The following GDPD4 variants were observed in gnomAD, a reference collection of about 807,000 sequenced individuals.
GDPD4 encodes the protein glycerophosphodiester phosphodiesterase domain containing 4.
Under a neutral mutation model 67.8 loss-of-function variants are expected in GDPD4, and 60 were observed. The observed-to-expected ratio is 0.88, with a 90% CI of 0.72 to 1.10. GDPD4 has a LOEUF of 1.10. GDPD4 is among the 50% of genes least tolerant of loss of function. The pLI, the probability that GDPD4 is intolerant of heterozygous loss-of-function variation, is 0.00. For missense variants in GDPD4, 623 were observed against 613.9 expected, an observed-to-expected ratio of 1.01 and a Z score of -0.16; for synonymous variants, 212 against 210.9, an observed-to-expected ratio of 1.00 and a Z score of -0.04.
intron 16 of GDPD4, among the ~76,000 whole-genome samples, chr11:77,226,888 G>A (rs990407425): frequency 1.3e-5 from 2 of 152,196 alleles, no homozygotes; most frequent in South Asian, 2.1e-4. Context: ...AGTTTTTCAT[G>A]ATCCCTGTGG....
At chr11:77,276,014 T>C in intron 5 of GDPD4, 147 bp downstream of exon 5, 3 of 609,570 alleles carry the variant, frequency 4.9e-6, no homozygotes, top group East Asian at 2.7e-5. Flanking sequence ...TCAGTTAATA[T>C]GGTGTAAGTA....
chr11:77,218,792 A>T (rs1958173338), intron 16 of GDPD4, among the ~76,000 whole-genome samples: 1 of 152,004 alleles, frequency 6.6e-6, no homozygotes, highest in Non-Finnish European at 1.5e-5. Context: ...TCTATCACTG[A>T]TGGACATTTG....
At chr11:77,295,456 A>G (rs569870549) in intron 1 of GDPD4, among the ~76,000 whole-genome samples, 1 of 152,044 alleles carries the variant, frequency 6.6e-6, no homozygotes, top group African/African-American at 2.4e-5. Flanking sequence ...ACATAGTGGG[A>G]GCCCATCTCT....
intron 11 of GDPD4, among the ~76,000 whole-genome samples, chr11:77,254,691 G>A (rs1958970953): frequency 6.6e-6 from 1 of 152,158 alleles, no homozygotes; most frequent in South Asian, 2.1e-4. Context: ...TTCCACGGAA[G>A]TGTTGGTTGG....
At chr11:77,290,273 G>A (rs1330413176) in intron 1 of GDPD4, among the ~76,000 whole-genome samples, 1 of 152,166 alleles carries the variant, frequency 6.6e-6, no homozygotes, top group Admixed American at 6.5e-5. Flanking sequence ...GGACCTAACA[G>A]ATATATACAG....
intron 16 of GDPD4, among the ~76,000 whole-genome samples, chr11:77,218,384 T>C (rs777951839): frequency 3.9e-5 from 6 of 152,180 alleles, no homozygotes; most frequent in African/African-American, 7.2e-5. Context: ...TATCATAGGA[T>C]AGTTACCGCT....
In GDPD4 at chr11:77,245,228, A is replaced by G. The variant is rs560775485; in HGVS notation, c.1086+53T>C. On this transcript the variant is annotated intron_variant, in intron 12 of 16. Coordinates refer to ENST00000315938, the MANE Select transcript of GDPD4 (RefSeq NM_182833.3). ...GGTCAAGTTCAACTACTGTGCTCCT[A>G]GGACATGCTACCCACCTCCCAACCT... 1.7e-5 allele frequency: 23 copies of G among 1,371,436 alleles called. No individual in the cohort carries two copies. In the East Asian group the frequency reaches 4.8e-4, roughly 29 times the overall value. 85.0% of individuals were successfully genotyped at this position (1,371,436 alleles called of 1,614,324 possible). A position where few individuals can be genotyped will look rare whatever the true frequency, so the allele number is the denominator to read the frequency against.
rs111993216 is a variant in GDPD4, at chr11:77,233,059, A to G, written c.1355T>C (p.Leu452Pro). 1 of 1,614,126 alleles carries G rather than the reference A, an allele frequency of 6.2e-7. No homozygotes were observed. Among genetic ancestry groups the G allele is most frequent in the Non-Finnish European group, 8.5e-7 (1 of 1,179,998 alleles). ...INSVTTDNIG[L>P]LSQLDHPHFF... ...GTGAGGGTGATCAAGCTGACTCAGG[A>G]GCCCAATGTTGTCTGTGGTCACTGA... Residue 452 changes from leucine (L) to proline (P), a missense_variant, in exon 14 of 17, where the codon CTC becomes CCC. Coordinates refer to ENST00000315938, the MANE Select transcript of GDPD4 (RefSeq NM_182833.3).
At chr11:77,236,148 A>T (rs1196937205) in intron 13 of GDPD4, among the ~76,000 whole-genome samples, 1 of 151,358 alleles carries the variant, frequency 6.6e-6, no homozygotes, top group East Asian at 1.9e-4. Context: ...TGTGAACTAA[A>T]TTTTTTTTTC....
chr11:77,278,541 C>A (rs1959596860), intron 4 of GDPD4, among the ~76,000 whole-genome samples: 1 of 152,188 alleles, frequency 6.6e-6, no homozygotes, highest in Non-Finnish European at 1.5e-5. Context: ...GCACTTCTCA[C>A]AACGTTCTGC....
intron 14 of GDPD4, among the ~76,000 whole-genome samples, chr11:77,229,627 C>T (rs1226541178): frequency 1.3e-5 from 2 of 152,176 alleles, no homozygotes; most frequent in Non-Finnish European, 2.9e-5. Context: ...CCAAGTCTCC[C>T]GGGGCAGCTT....
At chr11:77,249,916 G>A (rs746876476) in intron 11 of GDPD4, among the ~76,000 whole-genome samples, 10 of 151,946 alleles carry the variant, frequency 6.6e-5, no homozygotes, top group Non-Finnish European at 1.0e-4. Flanking sequence ...ATTTCCTTAA[G>A]TTCCTCATTA....
chr11:77,235,973 A>AC (rs1360521346), intron 13 of GDPD4, among the ~76,000 whole-genome samples: 1 of 151,654 alleles, frequency 6.6e-6, no homozygotes, highest in Non-Finnish European at 1.5e-5. Context: ...AACAAAAAAA[A>AC]AACAAAAAAA....
chr11:77,261,616 T>C (rs777958963), intron 10 of GDPD4, among the ~76,000 whole-genome samples: 31 of 152,220 alleles, frequency 2.0e-4, no homozygotes, highest in Admixed American at 7.2e-4. Context: ...AAACATTACA[T>C]TTGTTTTTCT....
At chr11:77,224,305 G>C (rs1283793849) in intron 16 of GDPD4, 1 of 152,316 alleles carries the variant, frequency 6.6e-6, no homozygotes, top group East Asian at 1.9e-4. Context: ...GACCGGAGCT[G>C]TTTCTATTCA....
chr11:77,247,986 G>T (rs1313815732), intron 11 of GDPD4, among the ~76,000 whole-genome samples: 1 of 149,164 alleles, frequency 6.7e-6, no homozygotes, highest in Non-Finnish European at 1.5e-5. Flanking sequence ...GGGAGGCAGA[G>T]GTTGCGGTGA....
intron 1 of GDPD4, among the ~76,000 whole-genome samples, chr11:77,295,551 G>C (rs1937925536): frequency 6.6e-6 from 1 of 152,076 alleles, no homozygotes; most frequent in Non-Finnish European, 1.5e-5. Context: ...AGGATCACTT[G>C]AGCTGGGAGG....
At chr11:77,279,853 C>T (rs1244919056) in intron 3 of GDPD4, among the ~76,000 whole-genome samples, 4 of 151,912 alleles carry the variant, frequency 2.6e-5, no homozygotes, top group Non-Finnish European at 4.4e-5. Flanking sequence ...TTTTCTGTTC[C>T]TAATGTAGCA....
chr11:77,284,806 TAGA>T (rs1349847424), intron 3 of GDPD4, among the ~76,000 whole-genome samples: 2 of 152,138 alleles, frequency 1.3e-5, no homozygotes, highest in African/African-American at 4.8e-5. Flanking sequence ...ATTATCTGAG[TAGA>T]AGGACTGTGG....
Sources: allele counts gnomAD v4.1 joint callset (sites outside exome capture counted in the v4.1 genomes callset), GRCh38; gene constraint gnomAD v4.1.1; transcripts MANE v1.5; gene names NCBI Gene and HGNC (gene_info 2026-07-23, HGNC 2026-07-21).